ATXN1: variants seen among roughly 807,000 people sequenced by gnomAD.
The protein encoded by ATXN1 is ataxin 1, also known as ataxin-1.
In ATXN1, 8 loss-of-function variants were observed where a neutral mutation model predicts 56.4. The ratio of observed to expected loss-of-function variants is 0.14; its 90% confidence interval spans 0.08 to 0.26. The LOEUF is 0.26. Among genes scored for constraint, ATXN1 ranks in the 10% least tolerant of loss-of-function variants. The probability of loss-of-function intolerance (pLI) is 1.00; values close to 1 mark genes in which losing one functional copy is unlikely to be tolerated. For missense variants in ATXN1, 987 were observed against 1,106.5 expected (o/e 0.89, Z 1.53); for synonymous variants, 514 against 494.6 (o/e 1.04, Z -0.52).
At chr6:16,521,783 C>T (rs558850283) in intron 5 of ATXN1, among the ~76,000 whole-genome samples, 3 of 152,250 alleles carry the variant, frequency 2.0e-5, no homozygotes, top group South Asian at 2.1e-4. Context: ...CACATGACAA[C>T]GTGGCATTGC....
chr6:16,393,903 C>CTTT lies in ATXN1; in HGVS notation c.-160-65436_-160-65434dup, dbSNP rs367640759. ...ACATGGGATTCTAACATGGAATCAC[C>CTTT]TTTTTTTTTTTTTTTTTGTAATTCG... On this transcript the variant is annotated intron_variant, in intron 6 of 7. Coordinates refer to ENST00000436367, the MANE Select transcript of ATXN1 (RefSeq NM_001128164.2). Among the ~76,000 whole-genome samples the CTTT allele has an allele frequency of 1.1e-3, 141 of 127,576 alleles. 1 individual carries two copies. The highest frequency in any genetic ancestry group is 2.0e-3 in the African/African-American group (64 of 31,650). The allele number at this position is 127,576 out of a possible 152,430, so 83.7% of individuals were successfully genotyped here. A position where few individuals can be genotyped will look rare whatever the true frequency, so the allele number is the denominator to read the frequency against.
chr6:16,635,722 T>A (rs1470452552), intron 3 of ATXN1, among the ~76,000 whole-genome samples: 2 of 152,070 alleles, frequency 1.3e-5, no homozygotes, highest in African/African-American at 4.8e-5. Flanking sequence ...TGCAGAGAAA[T>A]AATTTCAAAA....
At chr6:16,753,427 T>G (rs1354688709) in intron 1 of ATXN1, 80 bp from the exon 2 acceptor site, 4 of 447,122 alleles carry the variant, frequency 8.9e-6, no homozygotes, top group Non-Finnish European at 1.8e-5. Context: ...AAGTCCACCT[T>G]AAGTGTCTAT....
intron 3 of ATXN1, among the ~76,000 whole-genome samples, chr6:16,589,397 G>A (rs538929263): frequency 6.6e-6 from 1 of 150,840 alleles, no homozygotes; most frequent in Admixed American, 6.6e-5. Context: ...GTATATACAC[G>A]CACACATATA....
At chr6:16,694,270 A>G (rs2146753) in intron 2 of ATXN1, among the ~76,000 whole-genome samples, 35,909 of 140,878 alleles carry the variant, frequency 0.25, 4,830 homozygotes, top group Admixed American at 0.34. Context: ...TTTTTTTTTA[A>G]GAGACGGAGT....
At position 16,326,439 on chromosome 6, in the gene ATXN1, C is replaced by T. The variant is rs200088542; in HGVS notation, c.1872G>A (p.Pro624=). 1.7e-5 allele frequency: 27 copies of T among 1,614,064 alleles called. No individual in the cohort carries two copies. The highest frequency in any genetic ancestry group is 1.6e-4 in the Middle Eastern group (1 of 6,062). The stretch of plus-strand genomic sequence containing the variant: ...CGGCGAACTGTATCACGGCCACGCC[C>T]GGGCTATGGCTGTCTTCAATCCTCT... ...TVERIEDSHS[P]GVAVIQFAVG... The change falls in exon 7 of 8, where the codon CCG becomes CCA. Residue 624 remains proline, a synonymous_variant. Transcript: ENST00000436367. The surrounding 1 kb of genome is among the most constrained non-coding windows in gnomAD (Gnocchi z 6.6).
At chr6:16,518,948 A>G (rs1410090495) in intron 5 of ATXN1, among the ~76,000 whole-genome samples, 3 of 152,200 alleles carry the variant, frequency 2.0e-5, no homozygotes, top group African/African-American at 4.8e-5. Context: ...GTGACTTTAT[A>G]TCTGCATTAA....
chr6:16,479,221 G>C (rs368368972), intron 6 of ATXN1, among the ~76,000 whole-genome samples: 10 of 152,132 alleles, frequency 6.6e-5, no homozygotes, highest in African/African-American at 2.2e-4. Flanking sequence ...AAAAAAAATT[G>C]CTCTGAAAAC....
chr6:16,657,150 AT>A (rs1330768405), intron 3 of ATXN1, among the ~76,000 whole-genome samples: 11 of 148,642 alleles, frequency 7.4e-5, no homozygotes, highest in East Asian at 2.0e-4. Flanking sequence ...CACCCGGCTA[AT>A]TTTTTTTTTG....
At chr6:16,572,389 C>G (rs1472016535) in intron 4 of ATXN1, among the ~76,000 whole-genome samples, 3 of 152,130 alleles carry the variant, frequency 2.0e-5, no homozygotes, top group African/African-American at 7.2e-5. Context: ...CTGATTACTG[C>G]CACCCATAAT....
chr6:16,728,427 C>G (rs1018667854), intron 2 of ATXN1, among the ~76,000 whole-genome samples: 1 of 152,128 alleles, frequency 6.6e-6, no homozygotes, highest in African/African-American at 2.4e-5. Context: ...GCAGGGTGGT[C>G]AGAAACAAAC....
chr6:16,396,202 C>A (rs1056933215), intron 6 of ATXN1, among the ~76,000 whole-genome samples: 1 of 151,802 alleles, frequency 6.6e-6, no homozygotes, highest in Admixed American at 6.6e-5. Context: ...ACCATCATGA[C>A]CCTGTGTGGG....
intron 6 of ATXN1, among the ~76,000 whole-genome samples, chr6:16,366,798 AAAAG>A (rs970725975): frequency 2.0e-5 from 3 of 151,988 alleles, no homozygotes; most frequent in African/African-American, 7.2e-5. Flanking sequence ...AAAAAAAAGA[AAAAG>A]AAAAAAACAG....
At chr6:16,743,331 C>G (rs1428643522) in intron 2 of ATXN1, among the ~76,000 whole-genome samples, 6 of 152,320 alleles carry the variant, frequency 3.9e-5, no homozygotes, top group African/African-American at 1.4e-4. Flanking sequence ...AGGCTTCTTA[C>G]ACATTTTTGT....
At chr6:16,559,857 T>TA (rs144834952) in intron 4 of ATXN1, among the ~76,000 whole-genome samples, 18,031 of 149,906 alleles carry the variant, frequency 0.12, 1,186 homozygotes, top group African/African-American at 0.17. Context: ...GTATGTTTAA[T>TA]AAAAAAAAAA....
chr6:16,392,369 C>T (rs1202438067), intron 6 of ATXN1, among the ~76,000 whole-genome samples: 2 of 152,228 alleles, frequency 1.3e-5, no homozygotes, highest in African/African-American at 2.4e-5. Flanking sequence ...AACTGGATAA[C>T]TGCCAGTCAT....
intron 6 of ATXN1, among the ~76,000 whole-genome samples, chr6:16,334,437 T>A (rs1005012174): frequency 2.0e-5 from 3 of 152,158 alleles, no homozygotes; most frequent in Non-Finnish European, 4.4e-5. Flanking sequence ...ATAACCTTCA[T>A]TAAAAAAAAT....
chr6:16,566,464 C>A (rs1411538513), intron 4 of ATXN1, among the ~76,000 whole-genome samples: 2 of 152,098 alleles, frequency 1.3e-5, no homozygotes. Flanking sequence ...TAATCTCAAA[C>A]TCCTGGGCTC....
chr6:16,520,421 T>C (rs1264127953), intron 5 of ATXN1, among the ~76,000 whole-genome samples: 1 of 152,208 alleles, frequency 6.6e-6, no homozygotes, highest in African/African-American at 2.4e-5. Flanking sequence ...AAAGTGCTCA[T>C]GACCCCAGAA....
Sources: gnomAD v4.1 joint callset for allele counts (sites outside exome capture counted in the v4.1 genomes callset) on GRCh38, gnomAD v4.1.1 for gene constraint, Gnocchi (gnomAD v3.1) non-coding constraint, MANE v1.5 for transcripts, NCBI Gene and HGNC (gene_info 2026-07-23, HGNC 2026-07-21) for gene names.